MAST4: variants seen among roughly 807,000 people sequenced by gnomAD.
MAST4 encodes microtubule-associated serine/threonine-protein kinase 4.
In MAST4, 89 loss-of-function variants were observed where a neutral mutation model predicts 162.7. The observed-to-expected ratio is 0.55, with a 90% CI of 0.46 to 0.65. The LOEUF (loss-of-function observed/expected upper bound fraction) is 0.65. MAST4 is among the 30% of genes least tolerant of loss of function. MAST4 has a pLI of 0.00. For missense variants in MAST4, 3,153 were observed against 3,374.0 expected, an observed-to-expected ratio of 0.93 and a Z score of 1.62; for synonymous variants, 1,479 against 1,361.1, an observed-to-expected ratio of 1.09 and a Z score of -1.91.
chr5:66,802,278 A>G (rs117042262), intron 3 of MAST4, among the ~76,000 whole-genome samples: 1 of 152,100 alleles, frequency 6.6e-6, no homozygotes, highest in Non-Finnish European at 1.5e-5. Context: ...CTCTGTATTC[A>G]TGGAAGCTGG....
At chr5:66,937,365 T>C in intron 4 of MAST4, among the ~76,000 whole-genome samples, 1 of 152,182 alleles carries the variant, frequency 6.6e-6, no homozygotes, top group East Asian at 1.9e-4. Flanking sequence ...TCTTCCCATC[T>C]CTGAATCTCC....
At chr5:66,937,888 C>T (rs1742933188) in intron 4 of MAST4, among the ~76,000 whole-genome samples, 1 of 151,808 alleles carries the variant, frequency 6.6e-6, no homozygotes, top group Non-Finnish European at 1.5e-5. Flanking sequence ...TGTAGTTAAC[C>T]CATATTTTTT....
intron 4 of MAST4, among the ~76,000 whole-genome samples, chr5:66,908,918 A>C (rs1763558448): frequency 6.6e-6 from 1 of 152,174 alleles, no homozygotes; most frequent in African/African-American, 2.4e-5. Context: ...TGTGTCCTCA[A>C]ATTGTTTAGA....
intron 26 of MAST4, among the ~76,000 whole-genome samples, chr5:67,158,622 A>ATC (rs1772827372): frequency 1.3e-5 from 2 of 152,182 alleles, no homozygotes; most frequent in Admixed American, 1.3e-4. Context: ...AACTAATAAT[A>ATC]AAATACTAAG....
At chr5:67,033,425 G>A (rs1316733642) in intron 4 of MAST4, among the ~76,000 whole-genome samples, 1 of 148,032 alleles carries the variant, frequency 6.8e-6, no homozygotes, top group African/African-American at 2.5e-5. Context: ...CAGTCAAGCT[G>A]AGCTAGTTTG....
chr5:66,792,303 G>A (rs891928386), intron 3 of MAST4: 2 of 167,868 alleles, frequency 1.2e-5, no homozygotes, highest in African/African-American at 4.8e-5. Context: ...CCTTGCCCCT[G>A]TCGTAGAGCT....
At chr5:66,629,551 A>C (rs1744665749) in intron 1 of MAST4, among the ~76,000 whole-genome samples, 1 of 152,190 alleles carries the variant, frequency 6.6e-6, no homozygotes, top group Admixed American at 6.5e-5. Flanking sequence ...CAGTGAAAGA[A>C]TTTCAAGTGG....
chr5:67,023,993 G>A (rs1421042448), intron 4 of MAST4, among the ~76,000 whole-genome samples: 1 of 151,746 alleles, frequency 6.6e-6, no homozygotes, highest in Non-Finnish European at 1.5e-5. Context: ...CATTTACAGT[G>A]CTGTGCAGCC....
chr5:66,601,690 GA>G (rs112616927), intron 1 of MAST4, among the ~76,000 whole-genome samples: 3,694 of 152,304 alleles, frequency 0.024, 104 homozygotes, highest in African/African-American at 0.075. Flanking sequence ...GTTAGGTGTG[GA>G]GGAGAGAAGA....
At chr5:66,965,584 G>T (rs1268721474) in intron 4 of MAST4, among the ~76,000 whole-genome samples, 1 of 100,110 alleles carries the variant, frequency 1.0e-5, no homozygotes. Flanking sequence ...GGATTGGTGG[G>T]GGCGGGGGGG....
At chr5:67,147,175 C>A (rs1356682079) in intron 23 of MAST4, among the ~76,000 whole-genome samples, 1 of 152,128 alleles carries the variant, frequency 6.6e-6, no homozygotes, top group East Asian at 1.9e-4. Context: ...CTCTCTCTCT[C>A]TCTCCCCCAT....
chr5:67,017,624 G>A (rs1335790625), intron 4 of MAST4, among the ~76,000 whole-genome samples: 2 of 127,962 alleles, frequency 1.6e-5, no homozygotes, highest in Non-Finnish European at 1.6e-5. Flanking sequence ...TTTTTTTTGA[G>A]ACAGACTCTC....
chr5:66,839,794 C>T (rs1464550617), intron 3 of MAST4, among the ~76,000 whole-genome samples: 1 of 152,134 alleles, frequency 6.6e-6, no homozygotes, highest in Non-Finnish European at 1.5e-5. Context: ...ACATCAAATT[C>T]AGCCAAGATT....
At chr5:67,152,131 A>T (rs1771907273) in intron 24 of MAST4, among the ~76,000 whole-genome samples, 1 of 152,212 alleles carries the variant, frequency 6.6e-6, no homozygotes, top group East Asian at 1.9e-4. Context: ...GTAAATTGAT[A>T]AATTGCTTTC....
At chr5:66,961,262 A>G (rs780995926) in intron 4 of MAST4, among the ~76,000 whole-genome samples, 21 of 152,352 alleles carry the variant, frequency 1.4e-4, no homozygotes, top group African/African-American at 5.1e-4. Flanking sequence ...TTAAAAGCAG[A>G]TTTAATGTAT....
intron 1 of MAST4, among the ~76,000 whole-genome samples, chr5:66,721,016 G>GCCAGTC (rs973705589): frequency 2.6e-5 from 4 of 151,648 alleles, no homozygotes; most frequent in Non-Finnish European, 5.9e-5. Context: ...TCTGCCTAGA[G>GCCAGTC]CCAGTCCTTT....
chr5:66,899,774 A>G (rs1266601741), intron 3 of MAST4, among the ~76,000 whole-genome samples, 177 bp from the exon 4 acceptor site: 2 of 152,132 alleles, frequency 1.3e-5, no homozygotes, highest in Admixed American at 6.5e-5. Context: ...ACAGTGTGTA[A>G]AGAGAACCGT....
chr5:66,867,071 C>G (rs757457383), intron 3 of MAST4, among the ~76,000 whole-genome samples: 1 of 152,138 alleles, frequency 6.6e-6, no homozygotes, highest in African/African-American at 2.4e-5. Flanking sequence ...AATTAAAACT[C>G]TTTTGAATGG....
At chr5:67,155,404 T>C in intron 26 of MAST4, among the ~76,000 whole-genome samples, 1 of 152,242 alleles carries the variant, frequency 6.6e-6, no homozygotes, top group East Asian at 1.9e-4. Context: ...TCAGTCTTTC[T>C]AAAAACAACT....
Sources: allele counts gnomAD v4.1 joint callset (sites outside exome capture counted in the v4.1 genomes callset), GRCh38; gene constraint gnomAD v4.1.1; transcripts MANE v1.5; gene names NCBI Gene and HGNC (gene_info 2026-07-23, HGNC 2026-07-21).